The following PCDHA6 variants were observed in gnomAD, a reference collection of about 807,000 sequenced individuals.
The protein encoded by PCDHA6 is protocadherin alpha-6.
A neutral mutation model predicts 60.3 loss-of-function variants in PCDHA6; 55 were observed. The ratio of observed to expected loss-of-function variants is 0.91; its 90% confidence interval spans 0.73 to 1.14. The LOEUF is 1.14. PCDHA6 is among the 50% of genes most tolerant of loss of function. The pLI is 0.00. For missense variants in PCDHA6, 1,327 were observed against 1,256.5 expected, an observed-to-expected ratio of 1.06 and a Z score of -0.85; for synonymous variants, 652 against 557.9, an observed-to-expected ratio of 1.17 and a Z score of -2.38.
intron 3 of PCDHA6, among the ~76,000 whole-genome samples, chr5:141,000,395 CTATATATATA>C (rs1190667031): frequency 1.9e-5 from 1 of 53,986 alleles, no homozygotes; most frequent in Non-Finnish European, 3.2e-5. Context: ...CTCTCTCTCT[CTATATATATA>C]TATATATATA....
At chr5:140,979,937 A>G (rs563499415) in intron 2 of PCDHA6, among the ~76,000 whole-genome samples, 1 of 152,388 alleles carries the variant, frequency 6.6e-6, no homozygotes, top group African/African-American at 2.4e-5. Context: ...GTATGTGTAG[A>G]GTTAATGTGA....
At chr5:140,858,042 T>C in intron 1 of PCDHA6, 1 of 1,597,284 alleles carries the variant, frequency 6.3e-7, no homozygotes, top group Non-Finnish European at 8.6e-7. Context: ...GCCACTGTGC[T>C]TGTGTCGCTT....
At chr5:140,897,167 C>A (rs1271791310) in intron 1 of PCDHA6, among the ~76,000 whole-genome samples, 1 of 152,140 alleles carries the variant, frequency 6.6e-6, no homozygotes, top group Non-Finnish European at 1.5e-5. Flanking sequence ...TACTGTCTAT[C>A]TCCATGGGTT....
At chr5:140,871,408 A>C (rs1053262394) in intron 1 of PCDHA6, 2 of 1,613,986 alleles carry the variant, frequency 1.2e-6, no homozygotes, top group African/African-American at 2.7e-5. Flanking sequence ...GACGGACCTC[A>C]TGGCCTTCAG....
At chr5:140,940,566 G>T (rs1226026261) in intron 1 of PCDHA6, among the ~76,000 whole-genome samples, 1 of 151,754 alleles carries the variant, frequency 6.6e-6, no homozygotes, top group African/African-American at 2.4e-5. Flanking sequence ...CTCCTACCTT[G>T]GCTCCCAAAG....
At chr5:140,882,561 G>A in intron 1 of PCDHA6, 2 of 1,614,222 alleles carry the variant, frequency 1.2e-6, no homozygotes, top group Non-Finnish European at 1.7e-6. Flanking sequence ...CTGTGTGGGC[G>A]GAGCGCGGAG....
intron 1 of PCDHA6, among the ~76,000 whole-genome samples, chr5:140,945,166 T>C (rs145739178): frequency 2.6e-5 from 4 of 152,112 alleles, no homozygotes; most frequent in African/African-American, 9.6e-5. Context: ...TTGAACTATC[T>C]GAAAAATAAA....
intron 1 of PCDHA6, chr5:140,858,225 C>T (rs2045276704): frequency 6.3e-7 from 1 of 1,596,714 alleles, no homozygotes; most frequent in South Asian, 1.1e-5. Context: ...GCGGCGCCCA[C>T]CGAGGGCGCA....
At chr5:140,854,117 G>A (rs1311675249) in intron 1 of PCDHA6, 2 of 316,896 alleles carry the variant, frequency 6.3e-6, no homozygotes, top group African/African-American at 5.1e-5. Flanking sequence ...AACTGTGATG[G>A]CACAACTGCA....
rs2150161482 is a variant in PCDHA6 at position 140,828,973 on chromosome 5, C to T, written c.882C>T (p.Ser294=). 2.5e-6 allele frequency: 4 copies of T among 1,614,140 alleles called. No individual in the cohort carries two copies. Among genetic ancestry groups the T allele is most frequent in the East Asian group, 4.5e-5 (2 of 44,882 alleles). The part of the protein sequence containing the change: ...LVAAMVIDHF[S]IDRNTGEIVI... Reference sequence around the variant, plus strand: ...CAGCCATGGTTATTGACCACTTTAGCATAGATCGAAATACGGGAGAAATAG... The same window carrying T: ...CAGCCATGGTTATTGACCACTTTAGTATAGATCGAAATACGGGAGAAATAG... The change falls in exon 1 of 4, where the codon AGC becomes AGT. Residue 294 remains serine, a synonymous_variant. Transcript: ENST00000529310.
intron 1 of PCDHA6, among the ~76,000 whole-genome samples, chr5:140,921,063 T>G (rs1054649837): frequency 6.6e-6 from 1 of 152,078 alleles, no homozygotes; most frequent in Admixed American, 6.6e-5. Context: ...CACTCTAACC[T>G]TGAACTCTTG....
At chr5:140,951,741 C>A (rs1490111006) in intron 1 of PCDHA6, among the ~76,000 whole-genome samples, 3 of 152,062 alleles carry the variant, frequency 2.0e-5, no homozygotes, top group Non-Finnish European at 4.4e-5. Flanking sequence ...CTGCCACTGC[C>A]CTCACCCTCC....
chr5:140,990,611 G>T lies in PCDHA6; in HGVS notation c.2542+8048G>T, dbSNP rs577900189. ...AATCACCTGGAGTCAGATGAATACCGTAAAGGTCTGTGGTAAGACTAGAAG... is the reference window on the plus strand; with the variant it reads ...AATCACCTGGAGTCAGATGAATACCTTAAAGGTCTGTGGTAAGACTAGAAG... On this transcript the variant is annotated intron_variant, in intron 3 of 3. Transcript: ENST00000529310. 5.3e-5 allele frequency among the ~76,000 whole-genome samples: 8 copies of T among 152,230 alleles called. No homozygotes were observed. In the East Asian group the frequency reaches 9.6e-4, roughly 18 times the overall value.
At chr5:140,836,003 G>C (rs1456412206) in intron 1 of PCDHA6, 7 of 1,613,210 alleles carry the variant, frequency 4.3e-6, no homozygotes, top group East Asian at 2.2e-5. Flanking sequence ...CGCGCGATGC[G>C]GGCGTGCCGC....
In PCDHA6 at chr5:140,971,961, T is replaced by C. The variant is rs1412814726; in HGVS notation, c.2395-6988T>C. ...TGTATCCATCTGACTCCAAAAACTT[T>C]TTTTCAATACTATGAGTAGACAGAA... On this transcript the variant is annotated intron_variant, in intron 1 of 3. Transcript: ENST00000529310. 2.0e-5 allele frequency among the ~76,000 whole-genome samples: 3 copies of C among 152,144 alleles called. No homozygotes were observed. The East Asian group carries it at 5.8e-4, about 29-fold the overall frequency.
In PCDHA6 at chr5:140,828,594, TA is replaced by T; in HGVS notation, c.505del (p.Thr169ProfsTer12). ...SDADVGSNSI[L>X]TYKLSSSEYF... is the part of the protein sequence containing the mutation. ...GCAGATGTTGGCTCAAATTCCATCT[TA>T]ACCTATAAACTCAGTTCTAGCGAAT... is the stretch of plus-strand genomic sequence containing the variant. On this transcript the variant is annotated frameshift_variant, in exon 1 of 4. Coordinates refer to ENST00000529310, the MANE Select transcript of PCDHA6 (RefSeq NM_018909.4). LOFTEE classifies it high-confidence loss of function. The T allele has an allele frequency of 6.2e-7, 1 of 1,614,242 alleles. No individual in the cohort carries two copies. The highest frequency in any genetic ancestry group is 8.5e-7 in the Non-Finnish European group (1 of 1,180,038).
In PCDHA6 at chr5:140,851,667, T is replaced by A. The variant is rs628871; in HGVS notation, c.2394+21182T>A. 6.8e-5 allele frequency: 62 copies of A among 912,304 alleles called. 4 individuals carry two copies. Among genetic ancestry groups the A allele is most frequent in the Non-Finnish European group, 7.9e-5 (59 of 749,702 alleles). 56.5% of individuals were successfully genotyped at this position (912,304 alleles called of 1,614,324 possible). A position where few individuals can be genotyped will look rare whatever the true frequency, so the allele number is the denominator to read the frequency against. ...TTCAAGAAGACATTCTCCTTTTAAT[T>A]GAAATTTTCTCCATTCAGTGATAAA... is the stretch of plus-strand genomic sequence containing the variant. On this transcript the variant is annotated intron_variant, in intron 1 of 3. Coordinates refer to ENST00000529310, the MANE Select transcript of PCDHA6 (RefSeq NM_018909.4).
intron 1 of PCDHA6, chr5:140,862,613 A>G (rs1247840424): frequency 7.6e-6 from 4 of 522,928 alleles, no homozygotes; most frequent in Non-Finnish European, 1.6e-5. Flanking sequence ...GTGAAAGGTA[A>G]CAACCCGCGG....
At chr5:141,003,936 C>T (rs934368361) in intron 3 of PCDHA6, among the ~76,000 whole-genome samples, 41 of 152,122 alleles carry the variant, frequency 2.7e-4, no homozygotes, top group African/African-American at 9.9e-4. Context: ...TTGTCTTTGC[C>T]TGAGGGTGAG....
Sources: allele counts gnomAD v4.1 joint callset (sites outside exome capture counted in the v4.1 genomes callset), GRCh38; gene constraint gnomAD v4.1.1; transcripts MANE v1.5; gene names NCBI Gene and HGNC (gene_info 2026-07-23, HGNC 2026-07-21).